The following STXBP6 variants were observed in gnomAD, a reference collection of about 807,000 sequenced individuals.
STXBP6 encodes syntaxin binding protein 6, also known as syntaxin-binding protein 6.
In STXBP6, 21 loss-of-function variants were observed where a neutral mutation model predicts 26.9. That is an observed-to-expected ratio of 0.78 (90% confidence interval 0.55 to 1.12). The LOEUF (loss-of-function observed/expected upper bound fraction) is 1.12, where lower values mean the gene tolerates loss of function less well. STXBP6 is among the 50% of genes most tolerant of loss of function. The pLI is 0.00. For missense variants in STXBP6, 232 were observed against 257.9 expected (o/e 0.90, Z 0.69); for synonymous variants, 97 against 92.6 (o/e 1.05, Z -0.27).
At chr14:24,955,804 T>A (rs961630446) in intron 2 of STXBP6, among the ~76,000 whole-genome samples, 1 of 152,094 alleles carries the variant, frequency 6.6e-6, no homozygotes, top group Non-Finnish European at 1.5e-5. Context: ...AAGAGCAGCT[T>A]CCCTGCAATA....
chr14:24,949,411 T>G (rs2073092629), intron 2 of STXBP6, among the ~76,000 whole-genome samples: 1 of 152,114 alleles, frequency 6.6e-6, no homozygotes, highest in Non-Finnish European at 1.5e-5. Context: ...AGTGGGTACT[T>G]GAGTTAAGCA....
intron 1 of STXBP6, among the ~76,000 whole-genome samples, chr14:24,994,022 T>C (rs893173618): frequency 6.6e-6 from 1 of 152,230 alleles, no homozygotes; most frequent in Admixed American, 6.5e-5. Context: ...GTATAGCCTC[T>C]GCTTCCACTA....
At chr14:24,961,300 A>T (rs1315996474) in intron 2 of STXBP6, among the ~76,000 whole-genome samples, 1 of 152,138 alleles carries the variant, frequency 6.6e-6, no homozygotes, top group Non-Finnish European at 1.5e-5. Context: ...GGAACAGAAA[A>T]AATAACTATT....
At chr14:24,891,685 T>C (rs370608636) in intron 2 of STXBP6, among the ~76,000 whole-genome samples, 3 of 152,308 alleles carry the variant, frequency 2.0e-5, no homozygotes, top group African/African-American at 7.2e-5. Flanking sequence ...CTTAGAAAAG[T>C]TTATCTAGAA....
At chr14:25,017,058 T>C (rs1412866010) in intron 1 of STXBP6, among the ~76,000 whole-genome samples, 2 of 152,168 alleles carry the variant, frequency 1.3e-5, no homozygotes, top group African/African-American at 2.4e-5. Flanking sequence ...CCTGGTCAAC[T>C]AGATGCCAGG....
chr14:24,952,335 A>G (rs1463064051), intron 2 of STXBP6, among the ~76,000 whole-genome samples: 1 of 151,880 alleles, frequency 6.6e-6, no homozygotes, highest in African/African-American at 2.4e-5. Context: ...GCTTATTTCA[A>G]ACTTACTTAA....
At chr14:24,826,424 C>T (rs2068284843) in intron 4 of STXBP6, among the ~76,000 whole-genome samples, 1 of 152,148 alleles carries the variant, frequency 6.6e-6, no homozygotes. Context: ...TTACCTGGCA[C>T]TGGAGAGTCT....
chr14:24,959,219 A>T (rs1168034380), intron 2 of STXBP6, among the ~76,000 whole-genome samples: 3 of 152,302 alleles, frequency 2.0e-5, no homozygotes, highest in African/African-American at 7.2e-5. Context: ...CTTTACTAAC[A>T]TATCAGATCA....
rs1338078527 is a variant in STXBP6 at position 24,877,760 on chromosome 14, A to C, written c.155-20603T>G. On this transcript the variant is annotated intron_variant, in intron 2 of 5. Transcript: ENST00000323944. Reference sequence around the variant, plus strand: ...TAAATAATTTTGCAAGTATGTTTTGAGAATAAAGTTCCAGAAGTGGATTGG... The same window carrying C: ...TAAATAATTTTGCAAGTATGTTTTGCGAATAAAGTTCCAGAAGTGGATTGG... Among the ~76,000 whole-genome samples, 3 of 152,206 alleles carry C rather than the reference A, an allele frequency of 2.0e-5. No individual in the cohort carries two copies. In the East Asian group the frequency reaches 5.8e-4, roughly 29 times the overall value.
At chr14:24,909,517 G>A (rs1465560906) in intron 2 of STXBP6, among the ~76,000 whole-genome samples, 1 of 152,024 alleles carries the variant, frequency 6.6e-6, no homozygotes, top group Non-Finnish European at 1.5e-5. Context: ...ATGGTGGTTC[G>A]TGCCTGTAAT....
chr14:24,857,281 GA>G, intron 2 of STXBP6, 124 bp from the exon 3 acceptor site: 1 of 1,259,338 alleles, frequency 7.9e-7, no homozygotes, highest in Non-Finnish European at 1.1e-6. Context: ...GGCAGAGGGG[GA>G]AAGGAGGGAA....
At chr14:24,972,963 C>G (rs991053722) in intron 2 of STXBP6, among the ~76,000 whole-genome samples, 1 of 152,044 alleles carries the variant, frequency 6.6e-6, no homozygotes, top group Admixed American at 6.6e-5. Flanking sequence ...CAAAAAAATA[C>G]AAACATCAGC....
chr14:24,962,910 GATGA>G (rs71959356), intron 2 of STXBP6, among the ~76,000 whole-genome samples: 7,333 of 150,140 alleles, frequency 0.049, 622 homozygotes, highest in African/African-American at 0.17. Context: ...TCCAGCAATA[GATGA>G]ATGATCAAAT....
At chr14:24,980,862 A>C (rs1566531864) in intron 1 of STXBP6, among the ~76,000 whole-genome samples, 1 of 152,250 alleles carries the variant, frequency 6.6e-6, no homozygotes, top group Non-Finnish European at 1.5e-5. Flanking sequence ...AGATAGGAAA[A>C]AAAATATCTT....
intron 1 of STXBP6, among the ~76,000 whole-genome samples, chr14:25,034,205 C>T (rs1235390153): frequency 6.6e-6 from 1 of 152,158 alleles, no homozygotes. Context: ...GAAAAACCAA[C>T]TAAACCTACT....
chr14:24,863,241 C>G (rs2069605940), intron 2 of STXBP6, among the ~76,000 whole-genome samples: 1 of 152,074 alleles, frequency 6.6e-6, no homozygotes, highest in South Asian at 2.1e-4. Context: ...ATAATGGATA[C>G]AGAGTGCTAA....
rs192796629 is a variant in STXBP6, at chr14:24,812,760, A to T, written c.610-28T>A. 4.3e-5 allele frequency: 69 copies of T among 1,612,726 alleles called. No individual in the cohort carries two copies. In the African/African-American group the frequency reaches 7.7e-4, roughly 18 times the overall value. ...AAGGAGAGAGAGGAATGAGAAAAGTAAGACTTTATTAGCAGGTATTAGCAG... is the reference window on the plus strand; with the variant it reads ...AAGGAGAGAGAGGAATGAGAAAAGTTAGACTTTATTAGCAGGTATTAGCAG... On this transcript the variant is annotated intron_variant, in intron 5 of 5. Transcript: ENST00000323944.
At chr14:25,026,784 A>C (rs1333468621) in intron 1 of STXBP6, among the ~76,000 whole-genome samples, 1 of 152,222 alleles carries the variant, frequency 6.6e-6, no homozygotes, top group Non-Finnish European at 1.5e-5. Context: ...GACAGGTAAT[A>C]AAGTATTCTG....
chr14:24,952,447 T>C (rs2073200876), intron 2 of STXBP6, among the ~76,000 whole-genome samples: 1 of 152,212 alleles, frequency 6.6e-6, no homozygotes, highest in Non-Finnish European at 1.5e-5. Flanking sequence ...TTGCTAAATT[T>C]TGCCCAAATG....
Sources: allele counts gnomAD v4.1 joint callset (sites outside exome capture counted in the v4.1 genomes callset), GRCh38; gene constraint gnomAD v4.1.1; transcripts MANE v1.5; gene names NCBI Gene and HGNC (gene_info 2026-07-23, HGNC 2026-07-21).